Variants in TGM1 observed in about 807,000 individuals in gnomAD.
TGM1 encodes the protein transglutaminase 1, also known as protein-glutamine gamma-glutamyltransferase K.
In TGM1, 63 loss-of-function variants were observed where a neutral mutation model predicts 88.7. That is an observed-to-expected ratio of 0.71 (90% CI 0.58 to 0.88). The LOEUF (loss-of-function observed/expected upper bound fraction) is 0.88. Ranked by LOEUF, TGM1 falls within the 40% of genes least tolerant of loss-of-function variation. The pLI, the probability that TGM1 is intolerant of heterozygous loss-of-function variation, is 0.00. For synonymous variants in TGM1, 415 were observed against 431.1 expected, an observed-to-expected ratio of 0.96 and a Z score of 0.46; for missense variants, 996 against 1,118.0, an observed-to-expected ratio of 0.89 and a Z score of 1.56.
intron 8 of TGM1, 48 bp from the exon 9 acceptor site, chr14:24,258,436 G>C: frequency 6.2e-7 from 1 of 1,612,322 alleles, no homozygotes; most frequent in South Asian, 1.1e-5. Flanking sequence ...AGGGTCAGGA[G>C]TCCTCAGTTT....
chr14:24,256,114 G>A (rs1024096211), intron 9 of TGM1, 37 bp from the exon 10 acceptor site: 53 of 1,517,764 alleles, frequency 3.5e-5, no homozygotes, highest in Non-Finnish European at 3.9e-5. Flanking sequence ...AGAGATCTGA[G>A]AAGGCGGAGA....
Position 24,260,324 on chromosome 14 carries a change from C to G in TGM1, c.757+126G>C, listed in dbSNP as rs868243779. 4.1e-6 allele frequency: 6 copies of G among 1,465,756 alleles called. No individual in the cohort carries two copies. The African/African-American group carries it at 8.4e-5, about 20-fold the overall frequency. The allele number at this position is 1,465,756 out of a possible 1,614,324, so 90.8% of individuals were successfully genotyped here. On this transcript the variant is annotated intron_variant, in intron 4 of 14. Transcript: ENST00000206765. The stretch of plus-strand genomic sequence containing the variant: ...CTGCACCAGGCCTCGGTCCTCTCAT[C>G]TGCCCAATGGGAGGCTGGCTTCTCC...
Position 24,249,339 on chromosome 14 carries a change from G to C in TGM1, c.2428C>G (p.Pro810Ala), listed in dbSNP as rs774542068. Reference protein sequence around the residue: ...GGDSHLGETIPMASRGGA With the variant: ...GGDSHLGETIAMASRGGA ...TAAGCTCCACCTCGAGATGCCATAG[G>C]GATGGTCTCTCCTAAGTGACTGTCA... Residue 810 changes from proline to alanine, a missense_variant, in exon 15 of 15, where the codon CCT (proline) becomes GCT (alanine). By Grantham distance (27) the Pro-to-Ala change is conservative (BLOSUM62 -1). Transcript: ENST00000206765. 2 of 1,613,654 alleles carry C rather than the reference G, an allele frequency of 1.2e-6. No individual in the cohort carries two copies. Among genetic ancestry groups the C allele is most frequent in the Non-Finnish European group, 1.7e-6 (2 of 1,179,978 alleles).
In TGM1 at chr14:24,259,822, G is replaced by A; in HGVS notation, c.877-11C>T. 6.2e-7 allele frequency: 1 copy of A among 1,612,636 alleles called. No homozygotes were observed. Among genetic ancestry groups the A allele is most frequent in the Non-Finnish European group, 8.5e-7 (1 of 1,179,610 alleles). ...CACCCCGTGGTCAAACTGGAAGGAG[G>A]GATGGAGGGCAGAGGTGACAGCCTG... On this transcript the variant is annotated splice_polypyrimidine_tract_variant and intron_variant, in intron 5 of 14. Coordinates refer to ENST00000206765, the MANE Select transcript of TGM1 (RefSeq NM_000359.3). The surrounding 1 kb of genome is among the most constrained non-coding windows in gnomAD (Gnocchi z 5.7).
chr14:24,261,846 G>A lies in TGM1; in HGVS notation c.357C>T (p.Ser119=), dbSNP rs752796535. The A allele has an allele frequency of 3.1e-6, 5 of 1,613,812 alleles. No homozygotes were observed. Among genetic ancestry groups the A allele is most frequent in the Middle Eastern group, 1.6e-4 (1 of 6,084 alleles). ...CTCGGCGGTTCTGGTCCGAGCGCGA[G>A]CTCAGCAAGTCCACACCGTTCACTA... ...MLVVNGVDLL[S]SRSDQNRREH... The change falls in exon 3 of 15, where the codon AGC becomes AGT. Residue 119 remains serine, a synonymous_variant. Transcript: ENST00000206765.
In TGM1 at chr14:24,260,374, G is replaced by C. The variant is rs980587432; in HGVS notation, c.757+76C>G. The C allele has an allele frequency of 1.9e-6, 3 of 1,597,314 alleles. No homozygotes were observed. In the East Asian group the frequency reaches 6.8e-5, roughly 36 times the overall value. ...CTGGGGTCAGGCACCTAGGCACCCC[G>C]CCACATCCGAGGGCAGGAAGCCCTT... On this transcript the variant is annotated intron_variant, in intron 4 of 14. Transcript: ENST00000206765.
At chr14:24,254,387 A>C in intron 13 of TGM1, 99 bp from the exon 14 acceptor site, 1 of 1,563,206 alleles carries the variant, frequency 6.4e-7, no homozygotes. Flanking sequence ...TAGAAGCAAA[A>C]CCTCCCCGAG....
intron 13 of TGM1, 75 bp from the exon 14 acceptor site, chr14:24,254,363 G>C: frequency 6.2e-7 from 1 of 1,608,028 alleles, no homozygotes; most frequent in East Asian, 2.2e-5. Flanking sequence ...CTGCACCAGA[G>C]AGGGGAAGCT....
chr14:24,261,619 A>C (rs1594573647), intron 3 of TGM1, 76 bp downstream of exon 3: 1 of 1,563,734 alleles, frequency 6.4e-7, no homozygotes. Flanking sequence ...GAGCCTAAAG[A>C]CCTCTCTGAC....
intron 3 of TGM1, among the ~76,000 whole-genome samples, chr14:24,260,986 C>T (rs906552078): frequency 2.0e-5 from 3 of 152,176 alleles, no homozygotes; most frequent in Non-Finnish European, 4.4e-5. Context: ...TTCTGCCTGC[C>T]TGACTATCAC....
Position 24,258,271 on chromosome 14 carries a change from G to C in TGM1, c.1402+14C>G. The C allele has an allele frequency of 6.2e-7, 1 of 1,603,860 alleles. No homozygotes were observed. On this transcript the variant is annotated intron_variant, in intron 9 of 14. Coordinates refer to ENST00000206765, the MANE Select transcript of TGM1 (RefSeq NM_000359.3). ...TAAGCAGGGGCATGGTGGGGAGTGG[G>C]GGGCCCAGCTTACCACTGCTAGTCT...
At chr14:24,260,795 C>A in intron 3 of TGM1, 97 bp from the exon 4 acceptor site, 1 of 1,531,194 alleles carries the variant, frequency 6.5e-7, no homozygotes, top group Non-Finnish European at 9.0e-7. Flanking sequence ...TGTGTATGAG[C>A]CACTGTGTAT....
Position 24,259,369 on chromosome 14 carries a change from G to T in TGM1, c.985-120C>A. Reference sequence around the variant, plus strand: ...CCACCCCTTACCCCTAAATGCCTCAGGATCCAGACACCAGCCTGAGCTCCA... The same window carrying T: ...CCACCCCTTACCCCTAAATGCCTCATGATCCAGACACCAGCCTGAGCTCCA... On this transcript the variant is annotated intron_variant, in intron 6 of 14. Coordinates refer to ENST00000206765, the MANE Select transcript of TGM1 (RefSeq NM_000359.3). The surrounding 1 kb of genome is among the most constrained non-coding windows in gnomAD (Gnocchi z 5.7). 1 of 979,652 alleles carries T rather than the reference G, an allele frequency of 1.0e-6. No homozygotes were observed. Among genetic ancestry groups the T allele is most frequent in the Non-Finnish European group, 1.6e-6 (1 of 637,246 alleles). The allele number at this position is 979,652 out of a possible 1,614,324, so 60.7% of individuals were successfully genotyped here.
At chr14:24,260,338 G>C in intron 4 of TGM1, 112 bp downstream of exon 4, 1 of 1,520,848 alleles carries the variant, frequency 6.6e-7, no homozygotes, top group South Asian at 1.2e-5. Context: ...CCAATGGGAG[G>C]CTGGCTTCTC....
At position 24,259,457 on chromosome 14, in the gene TGM1, C is replaced by A. The variant is rs144783269; in HGVS notation, c.985-208G>T. On this transcript the variant is annotated intron_variant, in intron 6 of 14. Transcript: ENST00000206765. This position sits in a 1 kb window ranked among gnomAD's most constrained non-coding sequence, Gnocchi z 5.7. ...CGGGCTCTGACACAGGAATGTGAAT[C>A]CTGGGTGTGCCAAGTTTTGGGTTTG... Among the ~76,000 whole-genome samples, 1 of 152,340 alleles carries A rather than the reference C, an allele frequency of 6.6e-6. No homozygotes were observed. The highest frequency in any genetic ancestry group is 6.5e-5 in the Admixed American group (1 of 15,296).
chr14:24,259,387 G>C lies in TGM1; in HGVS notation c.985-138C>G, dbSNP rs2040785642. 8.1e-6 allele frequency: 7 copies of C among 867,736 alleles called. No homozygotes were observed. Among genetic ancestry groups the C allele is most frequent in the African/African-American group, 1.7e-5 (1 of 60,232 alleles). The allele number at this position is 867,736 out of a possible 1,614,324, so 53.8% of individuals were successfully genotyped here. A position where few individuals can be genotyped will look rare whatever the true frequency, so the allele number is the denominator to read the frequency against. On this transcript the variant is annotated intron_variant, in intron 6 of 14. Transcript: ENST00000206765. This position sits in a 1 kb window ranked among gnomAD's most constrained non-coding sequence, Gnocchi z 5.7. ...TGCCTCAGGATCCAGACACCAGCCT[G>C]AGCTCCACCCAGCCCTTCCCTCAGC...
In TGM1 at chr14:24,250,148, C is replaced by CTG. The variant is rs1158480309; in HGVS notation, c.2226-609_2226-608dup. 4.3e-3 allele frequency among the ~76,000 whole-genome samples: 612 copies of CTG among 143,046 alleles called. 5 individuals are homozygous for CTG. Among genetic ancestry groups the CTG allele is most frequent in the South Asian group, 0.012 (53 of 4,318 alleles). The allele number at this position is 143,046 out of a possible 152,430, so 93.8% of individuals were successfully genotyped here. On this transcript the variant is annotated intron_variant, in intron 14 of 14. Coordinates refer to ENST00000206765, the MANE Select transcript of TGM1 (RefSeq NM_000359.3). ...TAAATGGACATAAACCCTTATGTCT[C>CTG]TGTGTGTGTGTGTGTGTGTGTGTGT...
chr14:24,250,179 T>TGTGAGTGAGA (rs138497842), intron 14 of TGM1, among the ~76,000 whole-genome samples: 1 of 140,700 alleles, frequency 7.1e-6, no homozygotes, highest in African/African-American at 2.7e-5. Context: ...TGTGTGTGTG[T>TGTGAGTGAGA]GAGAGAGACA....
chr14:24,258,847 G>C (rs1341879457), intron 7 of TGM1, among the ~76,000 whole-genome samples, 174 bp from the exon 8 acceptor site: 1 of 152,198 alleles, frequency 6.6e-6, no homozygotes, highest in Non-Finnish European at 1.5e-5. Context: ...TGGGGTCAGG[G>C]GAAGCTAGGC....
Sources: allele counts gnomAD v4.1 joint callset (sites outside exome capture counted in the v4.1 genomes callset), GRCh38; gene constraint gnomAD v4.1.1; non-coding constraint Gnocchi (gnomAD v3.1); transcripts MANE v1.5; gene names NCBI Gene and HGNC (gene_info 2026-07-23, HGNC 2026-07-21).